Variants in AFF3 observed in about 807,000 individuals in gnomAD.
AFF3 encodes ALF transcription elongation factor 3.
In AFF3, 32 loss-of-function variants were observed where a neutral mutation model predicts 129.7. The ratio of observed to expected loss-of-function variants is 0.25; its 90% confidence interval spans 0.19 to 0.33. The LOEUF (loss-of-function observed/expected upper bound fraction) is 0.33, where lower values mean the gene tolerates loss of function less well. AFF3 is among the 10% of genes least tolerant of loss of function. The probability of loss-of-function intolerance (pLI) is 1.00; values close to 1 mark genes in which losing one functional copy is unlikely to be tolerated. For synonymous variants in AFF3, 644 were observed against 635.4 expected (o/e 1.01, Z -0.20); for missense variants, 1,373 against 1,592.0 (o/e 0.86, Z 2.34).
At chr2:99,965,642 T>C (rs1042178149) in intron 7 of AFF3, among the ~76,000 whole-genome samples, 1 of 152,200 alleles carries the variant, frequency 6.6e-6, no homozygotes, top group African/African-American at 2.4e-5. Flanking sequence ...AAATTGACAT[T>C]CTGGTTTCAC....
At chr2:99,601,835 A>C (rs1183194182) in intron 13 of AFF3, among the ~76,000 whole-genome samples, 1 of 152,112 alleles carries the variant, frequency 6.6e-6, no homozygotes, top group African/African-American at 2.4e-5. Flanking sequence ...ATTGGGGGTG[A>C]AGTTGGTGCC....
At chr2:99,595,306 G>A (rs1679172898) in intron 14 of AFF3, among the ~76,000 whole-genome samples, 1 of 152,210 alleles carries the variant, frequency 6.6e-6, no homozygotes, top group African/African-American at 2.4e-5. Flanking sequence ...TTTAGCCAGA[G>A]TATTTTCAAT....
chr2:99,680,765 A>G (rs948481676), intron 11 of AFF3, among the ~76,000 whole-genome samples: 8 of 152,174 alleles, frequency 5.3e-5, no homozygotes, highest in African/African-American at 1.9e-4. Flanking sequence ...TTGCATTTTT[A>G]TGGCTGCTGT....
intron 7 of AFF3, among the ~76,000 whole-genome samples, chr2:99,915,449 C>T (rs184731094): frequency 1.2e-3 from 186 of 152,190 alleles, no homozygotes; most frequent in African/African-American, 4.3e-3. Context: ...TTTCATCATA[C>T]TGATGATCTC....
chr2:99,683,234 C>CT (rs1674696217), intron 11 of AFF3, among the ~76,000 whole-genome samples: 1 of 152,192 alleles, frequency 6.6e-6, no homozygotes, highest in Non-Finnish European at 1.5e-5. Flanking sequence ...ATGCAAAGAA[C>CT]TTAAAGTTGC....
chr2:100,042,962 T>C (rs1478041225), intron 4 of AFF3, among the ~76,000 whole-genome samples: 3 of 152,208 alleles, frequency 2.0e-5, no homozygotes, highest in Non-Finnish European at 2.9e-5. Flanking sequence ...ATACCAGATA[T>C]ATGAGTATGA....
intron 11 of AFF3, among the ~76,000 whole-genome samples, chr2:99,703,039 T>C (rs1247987304): frequency 6.6e-6 from 1 of 152,252 alleles, no homozygotes; most frequent in African/African-American, 2.4e-5. Context: ...TTCCTATTGC[T>C]GCTATAAGAA....
chr2:99,874,798 T>G (rs1178720096), intron 7 of AFF3, among the ~76,000 whole-genome samples: 1 of 152,158 alleles, frequency 6.6e-6, no homozygotes, highest in Non-Finnish European at 1.5e-5. Context: ...AATGATTGTC[T>G]GTGTTTATGT....
At chr2:99,628,867 CGTG>C in intron 13 of AFF3, among the ~76,000 whole-genome samples, 1 of 152,006 alleles carries the variant, frequency 6.6e-6, no homozygotes, top group East Asian at 1.9e-4. Context: ...ATTACAGGCG[CGTG>C]CCACCATGCC....
intron 7 of AFF3, among the ~76,000 whole-genome samples, chr2:99,963,802 C>T (rs1286813278): frequency 1.3e-5 from 2 of 151,928 alleles, no homozygotes; most frequent in Non-Finnish European, 2.9e-5. Context: ...AGTAAATAGT[C>T]TTAACAACCA....
intron 13 of AFF3, among the ~76,000 whole-genome samples, chr2:99,611,387 G>A (rs1007007634): frequency 3.9e-5 from 6 of 152,038 alleles, no homozygotes; most frequent in South Asian, 4.2e-4. Flanking sequence ...TATTCTGAGC[G>A]TTTTTGGTAT....
intron 12 of AFF3, among the ~76,000 whole-genome samples, chr2:99,669,959 A>AT (rs1213693687): frequency 6.6e-6 from 1 of 152,196 alleles, no homozygotes; most frequent in Non-Finnish European, 1.5e-5. Flanking sequence ...CACACACAAA[A>AT]TATGCCTATT....
intron 4 of AFF3, among the ~76,000 whole-genome samples, chr2:100,037,368 TTA>T (rs2105013485): frequency 6.9e-6 from 1 of 145,056 alleles, no homozygotes; most frequent in Non-Finnish European, 1.5e-5. Flanking sequence ...TACACATATT[TTA>T]TACATACATG....
At chr2:99,820,917 G>C (rs1240457553) in intron 8 of AFF3, among the ~76,000 whole-genome samples, 1 of 120,478 alleles carries the variant, frequency 8.3e-6, no homozygotes, top group Non-Finnish European at 1.6e-5. Context: ...CCGTCCCCCA[G>C]ACTGGAGTCC....
At chr2:99,872,794 G>A (rs1224144300) in intron 7 of AFF3, among the ~76,000 whole-genome samples, 2 of 151,978 alleles carry the variant, frequency 1.3e-5, no homozygotes, top group East Asian at 3.9e-4. Flanking sequence ...CATTTAAAAA[G>A]CCCACATTCA....
At chr2:99,628,879 C>T (rs1178662846) in intron 13 of AFF3, among the ~76,000 whole-genome samples, 1 of 152,118 alleles carries the variant, frequency 6.6e-6, no homozygotes, top group East Asian at 1.9e-4. Flanking sequence ...TGCCACCATG[C>T]CCAGTTAATT....
chr2:99,555,762 T>C (rs978203988), intron 22 of AFF3, among the ~76,000 whole-genome samples: 5 of 152,202 alleles, frequency 3.3e-5, no homozygotes, highest in African/African-American at 9.6e-5. Flanking sequence ...AAGAACTTTA[T>C]GGAGTGGTGA....
At chr2:100,122,229 A>G (rs1692009911) in intron 2 of AFF3, among the ~76,000 whole-genome samples, 1 of 152,126 alleles carries the variant, frequency 6.6e-6, no homozygotes, top group Admixed American at 6.5e-5. Context: ...AGTCTTTTTT[A>G]TTGGTGCATT....
At chr2:99,646,364 G>C (rs1255591424) in intron 13 of AFF3, among the ~76,000 whole-genome samples, 1 of 152,128 alleles carries the variant, frequency 6.6e-6, no homozygotes, top group African/African-American at 2.4e-5. Context: ...AGCCAGTACG[G>C]GCTTTTCTGT....
Sources: gnomAD v4.1 joint callset for allele counts (sites outside exome capture counted in the v4.1 genomes callset) on GRCh38, gnomAD v4.1.1 for gene constraint, MANE v1.5 for transcripts, NCBI Gene and HGNC (gene_info 2026-07-23, HGNC 2026-07-21) for gene names.